Variants in EXT1 observed in about 807,000 individuals in gnomAD.
The protein encoded by EXT1 is exostosin-1.
Under a neutral mutation model 82.5 loss-of-function variants are expected in EXT1, and 20 were observed. The ratio of observed to expected loss-of-function variants is 0.24; its 90% CI spans 0.17 to 0.35. EXT1 has a LOEUF of 0.35. EXT1 is among the 10% of genes least tolerant of loss of function. The pLI is 1.00. For synonymous variants in EXT1, 348 were observed against 350.8 expected, an observed-to-expected ratio of 0.99 and a Z score of 0.09; for missense variants, 757 against 936.5, an observed-to-expected ratio of 0.81 and a Z score of 2.50.
chr8:117,940,327 A>G (rs934555226), intron 1 of EXT1, among the ~76,000 whole-genome samples: 1 of 152,178 alleles, frequency 6.6e-6, no homozygotes, highest in African/African-American at 2.4e-5. Context: ...TGGCACAGGG[A>G]ACCTGTGGTA....
intron 1 of EXT1, among the ~76,000 whole-genome samples, chr8:118,059,456 C>G (rs915924817): frequency 6.6e-6 from 1 of 152,158 alleles, no homozygotes; most frequent in African/African-American, 2.4e-5. Context: ...TGGGGTCCAG[C>G]TTGTCTTTGC....
Position 117,830,250 on chromosome 8 carries a change from T to C in EXT1, c.1264A>G (p.Ile422Val). Residue 422 changes from isoleucine (I) to valine (V), a missense_variant, in exon 4 of 11, where the codon ATT becomes GTT. Ile to Val is a conservative substitution (Grantham distance 29). Coordinates refer to ENST00000378204, the MANE Select transcript of EXT1 (RefSeq NM_000127.3). ...WEAYFSSVEK[I>V]VLTTLEIIQD... ...CTTACCTCTAGTGTAGTTAATACAA[T>C]CTTCTCAACTGAAGAAAAATAAGCC... 1 of 1,614,050 alleles carries C rather than the reference T, an allele frequency of 6.2e-7. No individual in the cohort carries two copies. Among genetic ancestry groups the C allele is most frequent in the Non-Finnish European group, 8.5e-7 (1 of 1,179,992 alleles).
intron 1 of EXT1, among the ~76,000 whole-genome samples, chr8:117,875,457 TAA>T (rs999439369): frequency 6.9e-6 from 1 of 144,066 alleles, no homozygotes; most frequent in African/African-American, 2.6e-5. Context: ...AATAAATAAA[TAA>T]ATAAATAAAA....
rs543892906 is a variant in EXT1, at chr8:117,925,027, C to T, written c.963-87826G>A. Among the ~76,000 whole-genome samples the T allele has an allele frequency of 1.6e-4, 25 of 151,998 alleles. No homozygotes were observed. In the South Asian group the frequency reaches 4.2e-3, roughly 25 times the overall value. On this transcript the variant is annotated intron_variant, in intron 1 of 10. Transcript: ENST00000378204. ...TATTATAAATTTAGTGACATGTTTC[C>T]ATGGAGAAAAAAAATTCCAAAACAT...
In EXT1 at chr8:117,994,024, T is replaced by C. The variant is rs113535142; in HGVS notation, c.962+116061A>G. 7.9e-3 allele frequency among the ~76,000 whole-genome samples: 1,198 copies of C among 152,332 alleles called. 16 individuals carry two copies. Among genetic ancestry groups the C allele is most frequent in the African/African-American group, 0.028 (1,144 of 41,574 alleles). ...GTTACAGAGCTAGCAAAGTTCTTAC[T>C]CTTCTCTAAGCAAATACCATCTCTA... On this transcript the variant is annotated intron_variant, in intron 1 of 10. Transcript: ENST00000378204.
intron 1 of EXT1, among the ~76,000 whole-genome samples, chr8:117,882,654 C>T (rs933820720): frequency 6.6e-6 from 1 of 152,128 alleles, no homozygotes; most frequent in Admixed American, 6.6e-5. Flanking sequence ...TGGTGCCTAT[C>T]ACTTTTTTTT....
intron 4 of EXT1, among the ~76,000 whole-genome samples, chr8:117,824,903 G>A (rs929746596): frequency 6.6e-6 from 1 of 151,984 alleles, no homozygotes. Context: ...GTCTCATTCA[G>A]TTACGCAGGC....
At chr8:117,984,245 C>T (rs1387569030) in intron 1 of EXT1, among the ~76,000 whole-genome samples, 1 of 151,322 alleles carries the variant, frequency 6.6e-6, no homozygotes, top group Non-Finnish European at 1.5e-5. Context: ...ATGGCAAAAC[C>T]CTGTCTTTAC....
At chr8:117,933,622 C>A (rs920526035) in intron 1 of EXT1, among the ~76,000 whole-genome samples, 6 of 152,166 alleles carry the variant, frequency 3.9e-5, no homozygotes, top group African/African-American at 1.2e-4. Flanking sequence ...AGAATATAAG[C>A]ACCGTGAGTA....
At chr8:118,105,274 A>G (rs1817788134) in intron 1 of EXT1, among the ~76,000 whole-genome samples, 1 of 152,226 alleles carries the variant, frequency 6.6e-6, no homozygotes, top group South Asian at 2.1e-4. Flanking sequence ...CTGCAGGTGT[A>G]GCATCTCCCC....
At chr8:117,837,511 G>C (rs183063878) in intron 1 of EXT1, among the ~76,000 whole-genome samples, 1 of 152,130 alleles carries the variant, frequency 6.6e-6, no homozygotes, top group Non-Finnish European at 1.5e-5. Flanking sequence ...TTTAAGTCTT[G>C]ATAAAATATG....
At chr8:118,037,193 T>G (rs2124959) in intron 1 of EXT1, among the ~76,000 whole-genome samples, 59,244 of 151,872 alleles carry the variant, frequency 0.39, 12,068 homozygotes, top group Middle Eastern at 0.52. Context: ...ATAATCTAAG[T>G]AAAATGTCTG....
intron 1 of EXT1, among the ~76,000 whole-genome samples, chr8:118,071,497 A>T (rs1352000382): frequency 1.3e-5 from 2 of 151,226 alleles, no homozygotes; most frequent in Admixed American, 1.3e-4. Flanking sequence ...GTAAGTTGGC[A>T]ATGACGATTA....
chr8:118,096,482 G>A (rs751052164), intron 1 of EXT1, among the ~76,000 whole-genome samples: 2 of 152,044 alleles, frequency 1.3e-5, no homozygotes, highest in Non-Finnish European at 2.9e-5. Flanking sequence ...TTAGCTGGAT[G>A]TGGTGGTACT....
intron 1 of EXT1, among the ~76,000 whole-genome samples, chr8:118,009,632 G>A (rs753275625): frequency 3.9e-5 from 6 of 152,340 alleles, no homozygotes; most frequent in Middle Eastern, 3.4e-3. Context: ...ACAGGCAAGC[G>A]AGGATTACCA....
At chr8:117,946,504 A>T (rs914261261) in intron 1 of EXT1, among the ~76,000 whole-genome samples, 4 of 152,188 alleles carry the variant, frequency 2.6e-5, no homozygotes, top group African/African-American at 9.6e-5. Context: ...GTCACAGAGA[A>T]GGAAGGTACA....
At chr8:118,076,934 G>A (rs1056617137) in intron 1 of EXT1, among the ~76,000 whole-genome samples, 53 of 151,952 alleles carry the variant, frequency 3.5e-4, no homozygotes, top group African/African-American at 1.3e-3. Flanking sequence ...TGCTTGGAAA[G>A]CAATGTTACA....
intron 1 of EXT1, among the ~76,000 whole-genome samples, chr8:118,073,674 GAA>G (rs1263770398): frequency 1.4e-4 from 21 of 149,088 alleles, no homozygotes; most frequent in South Asian, 1.1e-3. Context: ...GAAGAGAAGA[GAA>G]GAGAAGAGAA....
At chr8:117,898,310 T>C (rs989349809) in intron 1 of EXT1, among the ~76,000 whole-genome samples, 5 of 152,192 alleles carry the variant, frequency 3.3e-5, no homozygotes, top group Admixed American at 1.3e-4. Context: ...TTGGAGGAAG[T>C]ACCTTCCTGT....
Sources: gnomAD v4.1 joint callset for allele counts (sites outside exome capture counted in the v4.1 genomes callset) on GRCh38, gnomAD v4.1.1 for gene constraint, MANE v1.5 for transcripts, NCBI Gene and HGNC (gene_info 2026-07-23, HGNC 2026-07-21) for gene names.